DYNC2I1: variants seen among roughly 807,000 people sequenced by gnomAD.
DYNC2I1 encodes the protein dynein 2 intermediate chain 1, also known as cytoplasmic dynein 2 intermediate chain 1.
Under a neutral mutation model 133.4 loss-of-function variants are expected in DYNC2I1, and 89 were observed. The observed-to-expected ratio is 0.67, with a 90% CI of 0.56 to 0.80. The LOEUF (loss-of-function observed/expected upper bound fraction) is 0.80. Ranked by LOEUF, DYNC2I1 falls within the 30% of genes least tolerant of loss-of-function variation. The probability of loss-of-function intolerance (pLI) is 0.00; values close to 1 mark genes in which losing one functional copy is unlikely to be tolerated. For missense variants in DYNC2I1, 1,291 were observed against 1,314.5 expected (o/e 0.98, Z 0.28); for synonymous variants, 504 against 484.3 (o/e 1.04, Z -0.54).
At chr7:158,881,695 C>T (rs559352725) in intron 5 of DYNC2I1, among the ~76,000 whole-genome samples, 12 of 152,244 alleles carry the variant, frequency 7.9e-5, no homozygotes, top group South Asian at 6.2e-4. Flanking sequence ...CCTCATGATC[C>T]GCCCGCCTTG....
chr7:158,922,839 C>T (rs1849234218), intron 16 of DYNC2I1, among the ~76,000 whole-genome samples: 2 of 152,212 alleles, frequency 1.3e-5, no homozygotes, highest in South Asian at 4.1e-4. Flanking sequence ...TGAAAATACT[C>T]ACCATGCTGG....
At chr7:158,841,216 TA>T in the DYNC2I1 span, among the ~76,000 whole-genome samples, 1 of 93,078 alleles carries the variant, frequency 1.1e-5, no homozygotes, top group Non-Finnish European at 2.0e-5. Context: ...TATATATATA[TA>T]TATATTTTAG....
intron 19 of DYNC2I1, 118 bp from the exon 20 acceptor site, chr7:158,926,873 TG>T: frequency 1.4e-6 from 1 of 711,218 alleles, no homozygotes; most frequent in Non-Finnish European, 2.3e-6. Flanking sequence ...TCTCTTTTTC[TG>T]GAGCAGTTAT....
intron 1 of DYNC2I1, among the ~76,000 whole-genome samples, chr7:158,868,789 T>C (rs1335580596): frequency 6.6e-6 from 1 of 152,258 alleles, no homozygotes. Flanking sequence ...GGCAGGACTC[T>C]AGAGCTGAAA....
At chr7:158,949,952 G>C (rs184881779), downstream of DYNC2I1, among the ~76,000 whole-genome samples, 1 of 152,014 alleles carries the variant, frequency 6.6e-6, no homozygotes, top group East Asian at 1.9e-4. Context: ...TGTATTTTTA[G>C]TAGAGATGGG....
At chr7:158,853,420 G>C (rs1224879552), upstream of DYNC2I1, among the ~76,000 whole-genome samples, 1 of 152,118 alleles carries the variant, frequency 6.6e-6, no homozygotes, top group Admixed American at 6.6e-5. Context: ...GATTCTCTCT[G>C]AAGCCTGCTA....
chr7:158,924,795 C>A (rs1849454214), intron 17 of DYNC2I1, among the ~76,000 whole-genome samples: 2 of 151,868 alleles, frequency 1.3e-5, no homozygotes, highest in African/African-American at 2.4e-5. Context: ...GGCTCTGTAG[C>A]CCAGGCTGGA....
At chr7:158,901,101 CT>C (rs904966896) in intron 8 of DYNC2I1, among the ~76,000 whole-genome samples, 5 of 152,172 alleles carry the variant, frequency 3.3e-5, no homozygotes, top group Admixed American at 3.3e-4. Flanking sequence ...TTCTAGTATG[CT>C]TTGTAATATC....
At position 158,923,660 on chromosome 7, in the gene DYNC2I1, A is replaced by C; in HGVS notation, c.2184A>C (p.Glu728Asp). ...CAGTTGTCGTCTGGGATTTGAGAGA[A>C]GACTCAAGGCTGCATTACTCTGTGA... Reference protein sequence around the residue: ...HGSVVVWDLREDSRLHYSVTL... With the variant: ...HGSVVVWDLRDDSRLHYSVTL... Residue 728 changes from glutamate (E) to aspartate (D), a missense_variant, in exon 17 of 25, where the codon GAA becomes GAC. Coordinates refer to ENST00000407559, the MANE Select transcript of DYNC2I1 (RefSeq NM_018051.5). 2 of 1,614,002 alleles carry C rather than the reference A, an allele frequency of 1.2e-6. No homozygotes were observed. Among genetic ancestry groups the C allele is most frequent in the South Asian group, 1.1e-5 (1 of 91,078 alleles).
chr7:158,849,384 C>T, the DYNC2I1 span, among the ~76,000 whole-genome samples: 1 of 152,192 alleles, frequency 6.6e-6, no homozygotes, highest in African/African-American at 2.4e-5. Flanking sequence ...CTTTGAGAAA[C>T]GTTAATTGTG....
intron 14 of DYNC2I1, among the ~76,000 whole-genome samples, chr7:158,915,147 T>A (rs561641431): frequency 6.6e-5 from 10 of 151,914 alleles, no homozygotes; most frequent in African/African-American, 2.4e-4. Context: ...AGATTAAGGA[T>A]GATTGTGAAA....
intron 5 of DYNC2I1, among the ~76,000 whole-genome samples, chr7:158,883,587 T>TC (rs1844274784): frequency 7.0e-6 from 1 of 142,886 alleles, no homozygotes; most frequent in Non-Finnish European, 1.6e-5. Context: ...CCTCCAGTTA[T>TC]CAATTTGAGA....
intron 23 of DYNC2I1, among the ~76,000 whole-genome samples, chr7:158,937,676 G>A (rs1303734999): frequency 1.4e-5 from 2 of 144,876 alleles, no homozygotes; most frequent in African/African-American, 2.6e-5. Flanking sequence ...TGTAATCCCA[G>A]CATTTGGGAG....
chr7:158,848,086 C>T, the DYNC2I1 span, among the ~76,000 whole-genome samples: 1 of 152,204 alleles, frequency 6.6e-6, no homozygotes, highest in African/African-American at 2.4e-5. Context: ...GGACCCACAG[C>T]TCACTATTAA....
At chr7:158,925,011 C>T (rs888601503) in intron 17 of DYNC2I1, among the ~76,000 whole-genome samples, 5 of 152,184 alleles carry the variant, frequency 3.3e-5, no homozygotes, top group African/African-American at 1.2e-4. Flanking sequence ...CCTCCTTGGC[C>T]TCCCAAAGCG....
At chr7:158,840,464 G>C in the DYNC2I1 span, among the ~76,000 whole-genome samples, 1 of 152,174 alleles carries the variant, frequency 6.6e-6, no homozygotes, top group Non-Finnish European at 1.5e-5. Flanking sequence ...CTACTCGGGA[G>C]GCTGAGGCAG....
intron 3 of DYNC2I1, among the ~76,000 whole-genome samples, chr7:158,873,565 G>C (rs139135879): frequency 6.6e-6 from 1 of 152,068 alleles, no homozygotes; most frequent in Non-Finnish European, 1.5e-5. Context: ...GGAATGGATG[G>C]GTTAGTTGGG....
At chr7:158,892,870 G>A (rs369132166) in intron 8 of DYNC2I1, among the ~76,000 whole-genome samples, 5 of 151,440 alleles carry the variant, frequency 3.3e-5, no homozygotes, top group South Asian at 4.2e-4. Context: ...CCCAGGAGGC[G>A]GAGGTTGCAG....
intron 17 of DYNC2I1, among the ~76,000 whole-genome samples, chr7:158,925,984 G>A (rs543701397): frequency 6.6e-6 from 1 of 152,308 alleles, no homozygotes; most frequent in Non-Finnish European, 1.5e-5. Context: ...TGTGTCCTAG[G>A]AATCTGAAAG....
Sources: gnomAD v4.1 joint callset for allele counts (sites outside exome capture counted in the v4.1 genomes callset) on GRCh38, gnomAD v4.1.1 for gene constraint, MANE v1.5 for transcripts, NCBI Gene and HGNC (gene_info 2026-07-23, HGNC 2026-07-21) for gene names.